BMP6: variants seen among roughly 807,000 people sequenced by gnomAD.
BMP6 encodes the protein VG-1-R.
Under a neutral mutation model 54.1 loss-of-function variants are expected in BMP6, and 17 were observed. That is an observed-to-expected ratio of 0.31 (90% CI 0.22 to 0.47). The LOEUF is 0.47. Ranked by LOEUF, BMP6 falls within the 20% of genes least tolerant of loss-of-function variation. BMP6 has a pLI of 1.00. For missense variants in BMP6, 720 were observed against 690.4 expected (o/e 1.04, Z -0.48); for synonymous variants, 328 against 291.2 (o/e 1.13, Z -1.28).
At chr6:7,813,108 A>AAATATATATAT (rs1554122651) in intron 1 of BMP6, among the ~76,000 whole-genome samples, 1 of 21,484 alleles carries the variant, frequency 4.7e-5, no homozygotes, top group Non-Finnish European at 7.6e-5. Context: ...AAAAAAAAAA[A>AAATATATATAT]ATATATATAT....
intron 4 of BMP6, among the ~76,000 whole-genome samples, chr6:7,875,679 T>C (rs1759605000): frequency 6.6e-6 from 1 of 152,040 alleles, no homozygotes; most frequent in South Asian, 2.1e-4. Context: ...GAAAAAAAAG[T>C]TTTATCAGCT....
At chr6:7,763,222 A>C (rs1015686236) in intron 1 of BMP6, among the ~76,000 whole-genome samples, 2 of 152,186 alleles carry the variant, frequency 1.3e-5, no homozygotes, top group African/African-American at 4.8e-5. Context: ...AGCCAACCCC[A>C]GGGGAGGAAT....
At chr6:7,859,616 C>CATCT (rs1178630295) in intron 2 of BMP6, among the ~76,000 whole-genome samples, 1 of 152,152 alleles carries the variant, frequency 6.6e-6, no homozygotes, top group Non-Finnish European at 1.5e-5. Flanking sequence ...TGTCCTCTTA[C>CATCT]ATCTGACTTC....
intron 1 of BMP6, among the ~76,000 whole-genome samples, chr6:7,755,073 A>G (rs1346532089): frequency 6.6e-6 from 1 of 152,218 alleles, no homozygotes; most frequent in East Asian, 1.9e-4. Flanking sequence ...CTTTATATAT[A>G]AAGTGGGTTT....
In BMP6 at chr6:7,852,808, C is replaced by T. The variant is rs565178415; in HGVS notation, c.857+7476C>T. On this transcript the variant is annotated intron_variant, in intron 2 of 6. Transcript: ENST00000283147. ...ACACAGCTTAATATCTGGTAAATAC[C>T]TCAAGTGGAAATGTTGGAGTTCAAG... Among the ~76,000 whole-genome samples, 3 of 152,204 alleles carry T rather than the reference C, an allele frequency of 2.0e-5. No homozygotes were observed. The South Asian group carries it at 6.2e-4, about 32-fold the overall frequency.
intron 1 of BMP6, among the ~76,000 whole-genome samples, chr6:7,812,400 A>C (rs1192747533): frequency 1.3e-5 from 2 of 152,224 alleles, no homozygotes; most frequent in African/African-American, 4.8e-5. Context: ...AAACTAGAAG[A>C]AAATAAAGGT....
intron 2 of BMP6, among the ~76,000 whole-genome samples, chr6:7,846,079 G>A (rs1165932993): frequency 6.6e-6 from 1 of 152,224 alleles, no homozygotes; most frequent in East Asian, 1.9e-4. Flanking sequence ...GTAAGTCAGT[G>A]AGAATCAAGG....
intron 1 of BMP6, among the ~76,000 whole-genome samples, chr6:7,791,503 C>G (rs1230601235): frequency 6.6e-6 from 1 of 152,152 alleles, no homozygotes; most frequent in Non-Finnish European, 1.5e-5. Flanking sequence ...TTGGCCCTCT[C>G]TGCTTCTCCA....
chr6:7,783,759 A>G (rs1174002980), intron 1 of BMP6, among the ~76,000 whole-genome samples: 1 of 152,200 alleles, frequency 6.6e-6, no homozygotes, highest in Non-Finnish European at 1.5e-5. Context: ...AGACCTCCTC[A>G]TTCAGTCCAT....
At chr6:7,728,085 C>T (rs185165062) in intron 1 of BMP6, among the ~76,000 whole-genome samples, 1 of 152,136 alleles carries the variant, frequency 6.6e-6, no homozygotes, top group African/African-American at 2.4e-5. Context: ...AGTTTTCCCA[C>T]CGAGACTTTT....
chr6:7,874,932 T>C (rs1653082), intron 4 of BMP6, among the ~76,000 whole-genome samples: 1 of 114,072 alleles, frequency 8.8e-6, no homozygotes, highest in Admixed American at 9.9e-5. Context: ...TATGGAGATA[T>C]ATATATATAT....
rs1462369193 is a variant in BMP6 at position 7,759,720 on chromosome 6, TG to T, written c.664+32103del. 1.9e-3 allele frequency among the ~76,000 whole-genome samples: 270 copies of T among 139,614 alleles called. 20 individuals are homozygous for T. Among genetic ancestry groups the T allele is most frequent in the African/African-American group, 6.9e-3 (236 of 33,960 alleles). The allele number at this position is 139,614 out of a possible 152,430, so 91.6% of individuals were successfully genotyped here. On this transcript the variant is annotated intron_variant, in intron 1 of 6. Transcript: ENST00000283147. ...TCTTTTTTTTTTTTTTTTTTTTTTT[TG>T]GAGACTGAATCTCACTCTGTTGCCC...
intron 4 of BMP6, among the ~76,000 whole-genome samples, chr6:7,863,660 C>G (rs527380801): frequency 1.2e-4 from 18 of 152,274 alleles, no homozygotes; most frequent in South Asian, 2.1e-4. Flanking sequence ...AGAACAGACA[C>G]ATTCAAAGGG....
At chr6:7,746,533 A>G (rs1757349398) in intron 1 of BMP6, among the ~76,000 whole-genome samples, 1 of 152,226 alleles carries the variant, frequency 6.6e-6, no homozygotes, top group African/African-American at 2.4e-5. Context: ...CTGCAATTAA[A>G]TTTAGACTGT....
At chr6:7,824,868 A>G (rs13218210) in intron 1 of BMP6, among the ~76,000 whole-genome samples, 20,876 of 152,190 alleles carry the variant, frequency 0.14, 1,824 homozygotes, top group African/African-American at 0.24. Flanking sequence ...TATTTTCCAG[A>G]TGAGGAAACT....
chr6:7,731,394 C>A (rs1761855226), intron 1 of BMP6, among the ~76,000 whole-genome samples: 1 of 152,216 alleles, frequency 6.6e-6, no homozygotes, highest in African/African-American at 2.4e-5. Flanking sequence ...CTCCATCCCA[C>A]CCACTTCTGT....
In BMP6 at chr6:7,786,792, C is replaced by T. The variant is rs537154340; in HGVS notation, c.665-58348C>T. 7.2e-5 allele frequency among the ~76,000 whole-genome samples: 11 copies of T among 152,220 alleles called. No homozygotes were observed. In the East Asian group the frequency reaches 2.1e-3, roughly 29 times the overall value. ...CTCGGAACATCAGGTAGAAAAGCCCCATGCAGGTGACTCAATCCAGGGTCA... is the reference window on the plus strand; with the variant it reads ...CTCGGAACATCAGGTAGAAAAGCCCTATGCAGGTGACTCAATCCAGGGTCA... On this transcript the variant is annotated intron_variant, in intron 1 of 6. Transcript: ENST00000283147.
chr6:7,738,980 A>T (rs772490864), intron 1 of BMP6, among the ~76,000 whole-genome samples: 2 of 152,190 alleles, frequency 1.3e-5, no homozygotes, highest in Non-Finnish European at 2.9e-5. Flanking sequence ...TTTGCTGAAG[A>T]TCCTCATGGC....
At chr6:7,808,727 A>T (rs1296602964) in intron 1 of BMP6, among the ~76,000 whole-genome samples, 3 of 151,974 alleles carry the variant, frequency 2.0e-5, no homozygotes, top group Non-Finnish European at 4.4e-5. Context: ...CAGCCTGGGT[A>T]ACATGACAAG....
Sources: allele counts gnomAD v4.1 joint callset (sites outside exome capture counted in the v4.1 genomes callset), GRCh38; gene constraint gnomAD v4.1.1; transcripts MANE v1.5; gene names NCBI Gene and HGNC (gene_info 2026-07-23, HGNC 2026-07-21).